Variants in KAZN observed in about 807,000 individuals in gnomAD.
The protein encoded by KAZN is kazrin, periplakin interacting protein.
KAZN carries 40 observed loss-of-function variants against 87.4 expected under a neutral mutation model. The ratio of observed to expected loss-of-function variants is 0.46; its 90% CI spans 0.36 to 0.60. The LOEUF (loss-of-function observed/expected upper bound fraction) is 0.60, where lower values mean the gene tolerates loss of function less well. Ranked by LOEUF, KAZN falls within the 20% of genes least tolerant of loss-of-function variation. The pLI is 0.00. For missense variants in KAZN, 898 were observed against 1,073.9 expected (o/e 0.84, Z 2.29); for synonymous variants, 466 against 458.3 (o/e 1.02, Z -0.22).
chr1:14,631,088 C>A (rs2148658999), intron 1 of KAZN, among the ~76,000 whole-genome samples: 1 of 152,272 alleles, frequency 6.6e-6, no homozygotes. Flanking sequence ...CATGGAACAT[C>A]CCCTACCCTG....
In KAZN at chr1:14,651,418, G is replaced by A. The variant is rs184700572; in HGVS notation, c.226+52195G>A. On this transcript the variant is annotated intron_variant, in intron 1 of 14. Transcript: ENST00000376030. ...TTTAACTTTGACATCTGTCTTCCCT[G>A]GTATTTAGCAGGGATCAGAGGAATA... Among the ~76,000 whole-genome samples, 7 of 152,244 alleles carry A rather than the reference G, an allele frequency of 4.6e-5. No homozygotes were observed. The East Asian group carries it at 1.4e-3, about 29-fold the overall frequency.
intron 1 of KAZN, among the ~76,000 whole-genome samples, chr1:14,884,442 G>A (rs549380855): frequency 4.6e-5 from 7 of 152,220 alleles, no homozygotes; most frequent in East Asian, 3.9e-4. Flanking sequence ...ATTTTCTACC[G>A]TGCCACTGAA....
rs559618967 is a variant in KAZN at position 14,228,560 on chromosome 1, G to T, written c.249+47968G>T. 2.6e-5 allele frequency among the ~76,000 whole-genome samples: 4 copies of T among 152,272 alleles called. No individual in the cohort carries two copies. The South Asian group carries it at 8.3e-4, about 32-fold the overall frequency. Reference sequence around the variant, plus strand: ...GTGGGCACAATGATTAGCATCTCTGGCACAATGGAGAGGAGGAAATTGACA... The same window carrying T: ...GTGGGCACAATGATTAGCATCTCTGTCACAATGGAGAGGAGGAAATTGACA... On this transcript the variant is annotated intron_variant, in intron 2 of 16. Coordinates refer to the KAZN transcript ENST00000636203.
At position 14,342,830 on chromosome 1, in the gene KAZN, G is replaced by A. The variant is rs534206476; in HGVS notation, c.249+162238G>A. Reference sequence around the variant, plus strand: ...CCTTATCGGATGAGGTTTTTTATAAGCTTGTGTCCATTAAACTCTTGTATG... The same window carrying A: ...CCTTATCGGATGAGGTTTTTTATAAACTTGTGTCCATTAAACTCTTGTATG... On this transcript the variant is annotated intron_variant, in intron 2 of 16. Transcript: ENST00000636203. 4.1e-4 allele frequency among the ~76,000 whole-genome samples: 63 copies of A among 152,224 alleles called. No individual in the cohort carries two copies. In the South Asian group the frequency reaches 0.013, roughly 31 times the overall value.
At chr1:14,552,399 C>T (rs1673591725) in intron 2 of KAZN, among the ~76,000 whole-genome samples, 1 of 152,226 alleles carries the variant, frequency 6.6e-6, no homozygotes, top group Non-Finnish European at 1.5e-5. Context: ...CCTCCCAGGC[C>T]CAGATCCCCA....
intron 1 of KAZN, among the ~76,000 whole-genome samples, chr1:13,940,577 G>T (rs1285931518): frequency 1.3e-5 from 2 of 151,982 alleles, no homozygotes; most frequent in East Asian, 3.9e-4. Context: ...ATTTACCAGA[G>T]AAGTAGAATA....
intron 2 of KAZN, among the ~76,000 whole-genome samples, chr1:14,242,127 T>C (rs1203293297): frequency 6.6e-6 from 1 of 152,206 alleles, no homozygotes; most frequent in Non-Finnish European, 1.5e-5. Context: ...AAGACTCAGG[T>C]TCTCTCTGAA....
chr1:14,026,041 A>C (rs928798116), intron 1 of KAZN, among the ~76,000 whole-genome samples: 2 of 152,184 alleles, frequency 1.3e-5, no homozygotes, highest in Non-Finnish European at 2.9e-5. Context: ...GTACATAATT[A>C]TGAATGTAAA....
chr1:14,415,607 C>T (rs6699064), intron 2 of KAZN, among the ~76,000 whole-genome samples: 2 of 151,920 alleles, frequency 1.3e-5, no homozygotes, highest in Non-Finnish European at 2.9e-5. Flanking sequence ...AACCAGTGGC[C>T]GTTAAGAATG....
chr1:14,295,581 A>G (rs1654049288), intron 2 of KAZN, among the ~76,000 whole-genome samples: 1 of 152,152 alleles, frequency 6.6e-6, no homozygotes. Flanking sequence ...ACACACACTT[A>G]TAGACACACA....
chr1:13,972,271 CTTTTCT>C (rs1256944718), intron 1 of KAZN, among the ~76,000 whole-genome samples: 6 of 138,312 alleles, frequency 4.3e-5, no homozygotes, highest in Non-Finnish European at 7.8e-5. Context: ...TTTCTTTTTT[CTTTTCT>C]TTTTTTTTTT....
intron 14 of KAZN, 46 bp downstream of exon 14, chr1:15,112,587 A>AAAGTCTTTTTTTTCTTCTCCCAGCGGC (rs1573329021): frequency 1.5e-6 from 2 of 1,293,606 alleles, no homozygotes; most frequent in Non-Finnish European, 2.2e-6. Flanking sequence ...AGACCCGGGA[A>AAAGTCTTTTTTTTCTTCTCCCAGCGGC]AGGTCTTTTT....
At chr1:14,812,654 C>T (rs976279110) in intron 1 of KAZN, among the ~76,000 whole-genome samples, 4 of 152,204 alleles carry the variant, frequency 2.6e-5, no homozygotes, top group Admixed American at 2.6e-4. Context: ...GTTAGGACTA[C>T]AGGTGCATGC....
intron 2 of KAZN, among the ~76,000 whole-genome samples, chr1:14,398,199 A>G (rs1557690236): frequency 1.3e-5 from 2 of 152,266 alleles, no homozygotes; most frequent in Admixed American, 1.3e-4. Context: ...TGGTTATGCA[A>G]CAATAGCTAA....
intron 2 of KAZN, among the ~76,000 whole-genome samples, chr1:14,422,314 A>T (rs1043127644): frequency 1.3e-5 from 2 of 152,228 alleles, no homozygotes; most frequent in African/African-American, 4.8e-5. Flanking sequence ...GCTCAGCAGC[A>T]TGACGACATA....
chr1:14,632,097 G>T (rs1679613169), intron 1 of KAZN, among the ~76,000 whole-genome samples: 1 of 152,214 alleles, frequency 6.6e-6, no homozygotes, highest in Admixed American at 6.5e-5. Context: ...TGCAATTCCA[G>T]GTTTCTGGGG....
intron 2 of KAZN, among the ~76,000 whole-genome samples, chr1:14,585,398 G>A (rs1397295337): frequency 1.3e-5 from 2 of 152,302 alleles, no homozygotes; most frequent in East Asian, 3.9e-4. Context: ...GCAGGACGTG[G>A]CTAGGGCTTG....
Position 14,118,214 on chromosome 1 carries a change from G to A in KAZN, c.92-62221G>A, listed in dbSNP as rs558724882. ...TTGTATTCTTACCTACCAGGTTCTG[G>A]ATTCTGTGCTAAATACTTTACTTAT... On this transcript the variant is annotated intron_variant, in intron 1 of 16. Coordinates refer to the KAZN transcript ENST00000636203. Among the ~76,000 whole-genome samples, 3 of 152,314 alleles carry A rather than the reference G, an allele frequency of 2.0e-5. No individual in the cohort carries two copies. In the South Asian group the frequency reaches 6.2e-4, roughly 32 times the overall value.
intron 1 of KAZN, among the ~76,000 whole-genome samples, chr1:14,154,637 T>C (rs1420309253): frequency 3.3e-5 from 5 of 152,254 alleles, no homozygotes; most frequent in Non-Finnish European, 5.9e-5. Context: ...GAGTCTGTTG[T>C]ACATGGCTTT....
Sources: allele counts gnomAD v4.1 joint callset (sites outside exome capture counted in the v4.1 genomes callset), GRCh38; gene constraint gnomAD v4.1.1; transcripts MANE v1.5; gene names NCBI Gene and HGNC (gene_info 2026-07-23, HGNC 2026-07-21).